Variants in PIP4K2A observed in about 807,000 individuals in gnomAD.
PIP4K2A encodes phosphatidylinositol 5-phosphate 4-kinase type-2 alpha.
In PIP4K2A, 14 loss-of-function variants were observed where a neutral mutation model predicts 42.9. The ratio of observed to expected loss-of-function variants is 0.33; its 90% CI spans 0.22 to 0.51. The LOEUF (loss-of-function observed/expected upper bound fraction) is 0.51, where lower values mean the gene tolerates loss of function less well. Among genes scored for constraint, PIP4K2A ranks in the 20% least tolerant of loss-of-function variants. PIP4K2A has a pLI of 0.97. For synonymous variants in PIP4K2A, 192 were observed against 192.2 expected (o/e 1.00, Z 0.01); for missense variants, 434 against 519.8 (o/e 0.83, Z 1.61).
chr10:22,672,950 C>T (rs570200178), intron 1 of PIP4K2A, among the ~76,000 whole-genome samples: 8 of 152,294 alleles, frequency 5.3e-5, no homozygotes, highest in Admixed American at 1.3e-4. Flanking sequence ...ATTAACAGAG[C>T]TTCACTTCTA....
rs142288071 is a variant in PIP4K2A at position 22,698,885 on chromosome 10, T to C, written c.144+15298A>G. On this transcript the variant is annotated intron_variant, in intron 1 of 9. Coordinates refer to ENST00000376573, the MANE Select transcript of PIP4K2A (RefSeq NM_005028.5). ...CTATGTATCTGTACTTATCAGAACT[T>C]AAATTTCACTGAAACCATATTTCTA... 5.8e-4 allele frequency among the ~76,000 whole-genome samples: 88 copies of C among 152,320 alleles called. 1 individual carries two copies. Among genetic ancestry groups the C allele is most frequent in the African/African-American group, 1.9e-3 (80 of 41,574 alleles).
At chr10:22,669,467 AC>A (rs1839408628) in intron 1 of PIP4K2A, among the ~76,000 whole-genome samples, 1 of 152,242 alleles carries the variant, frequency 6.6e-6, no homozygotes, top group South Asian at 2.1e-4. Context: ...AATGAAAAAA[AC>A]AAAAACAAAC....
chr10:22,543,817 C>T (rs1203843003), intron 7 of PIP4K2A, among the ~76,000 whole-genome samples: 2 of 152,136 alleles, frequency 1.3e-5, no homozygotes, highest in East Asian at 1.9e-4. Context: ...AGCTGGGTCT[C>T]GGGTACCAGC....
At chr10:22,692,542 C>G (rs1839894158) in intron 1 of PIP4K2A, among the ~76,000 whole-genome samples, 1 of 152,136 alleles carries the variant, frequency 6.6e-6, no homozygotes, top group Non-Finnish European at 1.5e-5. Context: ...AAACATATTA[C>G]AGAAGCTGCA....
chr10:22,629,280 T>C (rs1838504078), intron 1 of PIP4K2A, among the ~76,000 whole-genome samples: 1 of 152,208 alleles, frequency 6.6e-6, no homozygotes, highest in Admixed American at 6.5e-5. Context: ...AATATTTTAC[T>C]TTTATGTGGT....
At chr10:22,672,424 T>G (rs960246834) in intron 1 of PIP4K2A, among the ~76,000 whole-genome samples, 1 of 152,226 alleles carries the variant, frequency 6.6e-6, no homozygotes, top group Admixed American at 6.5e-5. Context: ...TATAGTGATT[T>G]AATCTGGATA....
chr10:22,653,175 A>G (rs1249187851), intron 1 of PIP4K2A, among the ~76,000 whole-genome samples: 1 of 152,208 alleles, frequency 6.6e-6, no homozygotes, highest in African/African-American at 2.4e-5. Flanking sequence ...TCTACCAAAG[A>G]CAACTCTAAG....
chr10:22,704,213 G>A lies in PIP4K2A; in HGVS notation c.144+9970C>T, dbSNP rs989333021. On this transcript the variant is annotated intron_variant, in intron 1 of 9. Coordinates refer to ENST00000376573, the MANE Select transcript of PIP4K2A (RefSeq NM_005028.5). Reference sequence around the variant, plus strand: ...AAGATGATCCTGGACACAGGCCTGGGGCATTCCAACATTTCCAGACTGAGC... The same window carrying A: ...AAGATGATCCTGGACACAGGCCTGGAGCATTCCAACATTTCCAGACTGAGC... Among the ~76,000 whole-genome samples the A allele has an allele frequency of 1.2e-4, 18 of 152,208 alleles. 1 individual carries two copies. The East Asian group carries it at 3.5e-3, about 29-fold the overall frequency.
At chr10:22,550,461 A>T (rs575315179) in intron 7 of PIP4K2A, among the ~76,000 whole-genome samples, 198 bp downstream of exon 7, 22 of 152,246 alleles carry the variant, frequency 1.4e-4, no homozygotes, top group Non-Finnish European at 2.9e-4. Context: ...CCTAAATGAG[A>T]GGGCTGCTAA....
At position 22,601,151 on chromosome 10, in the gene PIP4K2A, A is replaced by C. The variant is rs936897407; in HGVS notation, c.339+6776T>G. ...GTCTCAAAAAAAAAAAAAAAAAAAA[A>C]AAAAAAAAAAAACAAACCAGGAACA... is the stretch of plus-strand genomic sequence containing the variant. On this transcript the variant is annotated intron_variant, in intron 3 of 9. Transcript: ENST00000376573. Among the ~76,000 whole-genome samples, 88 of 142,054 alleles carry C rather than the reference A, an allele frequency of 6.2e-4. 4 individuals are homozygous for C. In the East Asian group the frequency reaches 0.016, roughly 26 times the overall value. The allele number at this position is 142,054 out of a possible 152,430, so 93.2% of individuals were successfully genotyped here.
chr10:22,664,034 TATATATATATATAC>T (rs1186049569), intron 1 of PIP4K2A, among the ~76,000 whole-genome samples: 3 of 104,570 alleles, frequency 2.9e-5, no homozygotes, highest in Non-Finnish European at 5.2e-5. Context: ...TATATATACA[TATATATATATATAC>T]ATATGTATAT....
intron 4 of PIP4K2A, among the ~76,000 whole-genome samples, chr10:22,579,826 C>G (rs1588639577): frequency 6.6e-6 from 1 of 151,686 alleles, no homozygotes; most frequent in Admixed American, 6.6e-5. Context: ...GGAGAATCGC[C>G]TGAACCCAGG....
rs1453472931 is a variant in PIP4K2A, at chr10:22,609,656, T to A, written c.206A>T (p.Tyr69Phe). Reference sequence around the variant, plus strand: ...GTGATTGTCCACCTTTATTTTTGAATAGGCTTTGAAGTCATCTGGCATCAA... The same window carrying A: ...GTGATTGTCCACCTTTATTTTTGAAAAGGCTTTGAAGTCATCTGGCATCAA... ...VMLMPDDFKA[Y>F]SKIKVDNHLF... The change falls in exon 2 of 10, where the codon TAT becomes TTT. Residue 69 changes from tyrosine to phenylalanine, a missense_variant. Physicochemically the swap from Tyr to Phe is conservative, Grantham distance 22. Transcript: ENST00000376573. 2 of 1,608,644 alleles carry A rather than the reference T, an allele frequency of 1.2e-6. No individual in the cohort carries two copies. The highest frequency in any genetic ancestry group is 2.2e-5 in the East Asian group (1 of 44,868).
intron 1 of PIP4K2A, among the ~76,000 whole-genome samples, chr10:22,641,284 G>A (rs1187544303): frequency 2.0e-5 from 3 of 152,172 alleles, no homozygotes; most frequent in African/African-American, 7.2e-5. Context: ...CCCACAGCCT[G>A]CAGAACAGGG....
chr10:22,573,388 C>T lies in PIP4K2A; in HGVS notation c.562G>A (p.Gly188Arg). Residue 188 changes from glycine (G) to arginine (R), a missense_variant, in exon 5 of 10, where the codon GGA becomes AGA. Physicochemically the swap from Gly to Arg is moderately radical, Grantham distance 125 (BLOSUM62 -2). Coordinates refer to ENST00000376573, the MANE Select transcript of PIP4K2A (RefSeq NM_005028.5). ...FLGMYRLNVD[G>R]VEIYVIVTRN... ...GTAACTATCACATATATTTCAACTC[C>T]ATCAACATTAAGCCGGTACATGCCC... The T allele has an allele frequency of 6.2e-7, 1 of 1,613,572 alleles. No homozygotes were observed. Among genetic ancestry groups the T allele is most frequent in the Non-Finnish European group, 8.5e-7 (1 of 1,179,514 alleles).
At chr10:22,539,914 A>AGAGAGAGAGAGAGAGAGG in intron 9 of PIP4K2A, 57 bp downstream of exon 9, 1 of 463,254 alleles carries the variant, frequency 2.2e-6, no homozygotes, top group South Asian at 2.1e-5. Context: ...AGAGAGAGGG[A>AGAGAGAGAGAGAGAGAGG]GAGAGAGAGA....
chr10:22,586,889 C>T (rs187322165), intron 4 of PIP4K2A, among the ~76,000 whole-genome samples: 1 of 152,128 alleles, frequency 6.6e-6, no homozygotes, highest in Non-Finnish European at 1.5e-5. Context: ...ATGAATTCAC[C>T]TAATTAGCAC....
At chr10:22,542,091 T>C (rs1191852847) in intron 7 of PIP4K2A, 44 bp from the exon 8 acceptor site, 1 of 1,535,096 alleles carries the variant, frequency 6.5e-7, no homozygotes, top group Admixed American at 1.9e-5. Context: ...ACCTTAAACA[T>C]AAAAGCCAAC....
At chr10:22,611,380 T>A (rs1409398) in intron 1 of PIP4K2A, among the ~76,000 whole-genome samples, 81,657 of 149,968 alleles carry the variant, frequency 0.54, 24,122 homozygotes, top group East Asian at 0.87. Flanking sequence ...ACAGAGTGGA[T>A]CCATGTCTGT....
Sources: allele counts gnomAD v4.1 joint callset (sites outside exome capture counted in the v4.1 genomes callset), GRCh38; gene constraint gnomAD v4.1.1; transcripts MANE v1.5; gene names NCBI Gene and HGNC (gene_info 2026-07-23, HGNC 2026-07-21).